The following MAMDC2 variants were observed in gnomAD, a reference collection of about 807,000 sequenced individuals.
MAMDC2 encodes the protein MAM domain-containing protein 2.
Under a neutral mutation model 89.8 loss-of-function variants are expected in MAMDC2, and 57 were observed. The ratio of observed to expected loss-of-function variants is 0.63; its 90% CI spans 0.51 to 0.79. The LOEUF is 0.79. MAMDC2 is among the 30% of genes least tolerant of loss of function. MAMDC2 has a pLI of 0.00. For missense variants in MAMDC2, 800 were observed against 820.6 expected, an observed-to-expected ratio of 0.97 and a Z score of 0.31; for synonymous variants, 313 against 293.4, an observed-to-expected ratio of 1.07 and a Z score of -0.68.
intron 2 of MAMDC2, among the ~76,000 whole-genome samples, chr9:70,075,326 C>G (rs1456641566): frequency 6.6e-6 from 1 of 152,168 alleles, no homozygotes; most frequent in Non-Finnish European, 1.5e-5. Context: ...ATGTTCTAGC[C>G]TCTGAATCCC....
At chr9:70,128,174 G>A (rs1044331464) in intron 6 of MAMDC2, among the ~76,000 whole-genome samples, 44 of 152,228 alleles carry the variant, frequency 2.9e-4, no homozygotes, top group African/African-American at 1.1e-3. Flanking sequence ...TGAATTTTGA[G>A]AAGGAAAACA....
In MAMDC2 at chr9:70,043,942, C is replaced by G; in HGVS notation, c.-256C>G. ...CCATCGTCGCCCAGGACCAGCTGGG[C>G]CGCGGTCTGACCTGAGGCTGCTGCT... On this transcript the variant is annotated 5_prime_UTR_variant, in exon 1 of 14. Coordinates refer to ENST00000377182, the MANE Select transcript of MAMDC2 (RefSeq NM_153267.5). The G allele has an allele frequency of 1.7e-6, 1 of 585,268 alleles. No homozygotes were observed. Among genetic ancestry groups the G allele is most frequent in the Non-Finnish European group, 3.0e-6 (1 of 328,788 alleles). 36.3% of individuals were successfully genotyped at this position (585,268 alleles called of 1,614,324 possible).
intron 11 of MAMDC2, among the ~76,000 whole-genome samples, chr9:70,188,006 G>GTAT (rs1202193693): frequency 1.3e-5 from 2 of 152,158 alleles, no homozygotes; most frequent in Non-Finnish European, 2.9e-5. Context: ...CACTAGCAGT[G>GTAT]TATTAGGGTT....
chr9:70,064,366 G>A (rs529233815), intron 2 of MAMDC2, among the ~76,000 whole-genome samples: 6 of 152,068 alleles, frequency 3.9e-5, no homozygotes, highest in East Asian at 3.9e-4. Flanking sequence ...ATGCCTGTGC[G>A]TCCTTATAGC....
chr9:70,174,417 G>A (rs60458589), intron 11 of MAMDC2, among the ~76,000 whole-genome samples: 10,505 of 152,256 alleles, frequency 0.069, 578 homozygotes, highest in East Asian at 0.22. Flanking sequence ...TTAGGGAATC[G>A]AGAGGAGAAT....
intron 2 of MAMDC2, among the ~76,000 whole-genome samples, chr9:70,071,129 T>C (rs1372614734): frequency 6.6e-6 from 1 of 152,186 alleles, no homozygotes; most frequent in East Asian, 1.9e-4. Context: ...GTACTGGTTT[T>C]GATAGAGTTA....
intron 10 of MAMDC2, 149 bp from the exon 11 acceptor site, chr9:70,170,330 G>A: frequency 1.4e-6 from 1 of 700,022 alleles, no homozygotes. Context: ...TGGAAGCAGT[G>A]GCTCCGTGTA....
In MAMDC2 at chr9:70,226,296, A is replaced by G. The variant is rs1564006746; in HGVS notation, c.*264A>G. On this transcript the variant is annotated 3_prime_UTR_variant, in exon 14 of 14. Coordinates refer to ENST00000377182, the MANE Select transcript of MAMDC2 (RefSeq NM_153267.5). ...AATTTTGGTACCAGTTAAAAATACA[A>G]ATGTACTATATTGTAGTCATTTTAA... 4.0e-6 allele frequency: 1 copy of G among 247,490 alleles called. No individual in the cohort carries two copies. The highest frequency in any genetic ancestry group is 2.3e-5 in the African/African-American group (1 of 44,444). The allele number at this position is 247,490 out of a possible 1,614,324, so 15.3% of individuals were successfully genotyped here. A position where few individuals can be genotyped will look rare whatever the true frequency, so the allele number is the denominator to read the frequency against.
intron 11 of MAMDC2, among the ~76,000 whole-genome samples, chr9:70,210,752 T>A (rs2033339089): frequency 6.6e-6 from 1 of 152,194 alleles, no homozygotes; most frequent in African/African-American, 2.4e-5. Flanking sequence ...TTGGCATGTT[T>A]TTGCAGTGGC....
At chr9:70,060,632 T>C (rs1827128205) in intron 2 of MAMDC2, 1 of 152,108 alleles carries the variant, frequency 6.6e-6, no homozygotes, top group Non-Finnish European at 1.5e-5. Flanking sequence ...AGAAAAGATA[T>C]ATAACATGCA....
rs1335098093 is a variant in MAMDC2 at position 70,044,218 on chromosome 9, C to T, written c.21C>T (p.Leu7=). ...CGACCATGCTGTTAAGGGGCGTCCT[C>T]CTGGCGTTGCAAGGTAAGGCCTGGA... MLLRGV[L]LALQALQLAG... is the part of the protein sequence containing the mutation. The change falls in exon 1 of 14, where the codon CTC becomes CTT. Residue 7 remains leucine, a synonymous_variant. Transcript: ENST00000377182. 1.2e-6 allele frequency: 2 copies of T among 1,613,326 alleles called. No individual in the cohort carries two copies. Among genetic ancestry groups the T allele is most frequent in the African/African-American group, 1.3e-5 (1 of 74,932 alleles).
intron 9 of MAMDC2, chr9:70,153,742 C>A (rs2031653101): frequency 1.3e-5 from 2 of 152,036 alleles, no homozygotes; most frequent in Admixed American, 1.3e-4. Flanking sequence ...AAAAAAACTT[C>A]AAAGTCATTT....
intron 9 of MAMDC2, among the ~76,000 whole-genome samples, chr9:70,159,088 T>C (rs771824580): frequency 3.3e-4 from 49 of 148,384 alleles, no homozygotes; most frequent in Non-Finnish European, 6.1e-4. Context: ...ACGTATAACA[T>C]TACCCTGGAA....
chr9:70,207,934 A>T (rs1357156437), intron 11 of MAMDC2, among the ~76,000 whole-genome samples: 1 of 152,128 alleles, frequency 6.6e-6, no homozygotes, highest in Non-Finnish European at 1.5e-5. Context: ...CAAAGATCAG[A>T]TGGTTGTAGA....
At chr9:70,218,065 C>T (rs575124237) in intron 11 of MAMDC2, among the ~76,000 whole-genome samples, 1 of 152,184 alleles carries the variant, frequency 6.6e-6, no homozygotes, top group African/African-American at 2.4e-5. Flanking sequence ...ATGTGTTAAT[C>T]ACTGTATCAG....
chr9:70,192,566 T>C (rs2032902006), intron 11 of MAMDC2, among the ~76,000 whole-genome samples: 1 of 152,138 alleles, frequency 6.6e-6, no homozygotes, highest in Non-Finnish European at 1.5e-5. Context: ...AAAATTTATA[T>C]TTATATTGCC....
intron 1 of MAMDC2, 114 bp from the exon 2 acceptor site, chr9:70,044,469 GC>G: frequency 1.1e-6 from 1 of 900,960 alleles, no homozygotes; most frequent in South Asian, 1.6e-5. Flanking sequence ...TCCCTCTCCC[GC>G]CCCCTCCCGC....
chr9:70,193,450 G>C (rs2032923317), intron 11 of MAMDC2, among the ~76,000 whole-genome samples: 1 of 152,008 alleles, frequency 6.6e-6, no homozygotes, highest in Admixed American at 6.6e-5. Context: ...ATTAACTATT[G>C]TCTGCTTGGA....
At chr9:70,057,956 C>T (rs538691830) in intron 2 of MAMDC2, among the ~76,000 whole-genome samples, 2 of 152,276 alleles carry the variant, frequency 1.3e-5, no homozygotes, top group African/African-American at 4.8e-5. Flanking sequence ...TGTTTTATTT[C>T]AGTATTTGAA....
Sources: gnomAD v4.1 joint callset for allele counts (sites outside exome capture counted in the v4.1 genomes callset) on GRCh38, gnomAD v4.1.1 for gene constraint, MANE v1.5 for transcripts, NCBI Gene and HGNC (gene_info 2026-07-23, HGNC 2026-07-21) for gene names.